Variants in SLC9A9 observed in about 807,000 individuals in gnomAD.
SLC9A9 encodes solute carrier family 9 member A9.
Under a neutral mutation model 77.8 loss-of-function variants are expected in SLC9A9, and 62 were observed. The ratio of observed to expected loss-of-function variants is 0.80; its 90% CI spans 0.65 to 0.98. The LOEUF (loss-of-function observed/expected upper bound fraction) is 0.98, where lower values mean the gene tolerates loss of function less well. Ranked by LOEUF, SLC9A9 falls within the 50% of genes least tolerant of loss-of-function variation. The pLI is 0.00. For synonymous variants in SLC9A9, 320 were observed against 283.5 expected, an observed-to-expected ratio of 1.13 and a Z score of -1.29; for missense variants, 775 against 774.9, an observed-to-expected ratio of 1.00 and a Z score of 0.00.
chr3:143,477,330 A>ATAT lies in SLC9A9; in HGVS notation c.1316-10141_1316-10140insATA, dbSNP rs772684824. Among the ~76,000 whole-genome samples the ATAT allele has an allele frequency of 4.0e-5, 4 of 100,014 alleles. No individual in the cohort carries two copies. The South Asian group carries it at 1.2e-3, about 29-fold the overall frequency. 65.6% of individuals were successfully genotyped at this position (100,014 alleles called of 152,430 possible). The stretch of plus-strand genomic sequence containing the variant: ...CAAAATCACCTGAAGGGCTTCTTCA[A>ATAT]TTTTTTTTTTTTTTTTTCCCCCTCC... On this transcript the variant is annotated intron_variant, in intron 11 of 15. Coordinates refer to ENST00000316549, the MANE Select transcript of SLC9A9 (RefSeq NM_173653.4).
intron 12 of SLC9A9, among the ~76,000 whole-genome samples, chr3:143,441,058 T>A (rs2034724009): frequency 6.6e-6 from 1 of 152,244 alleles, no homozygotes; most frequent in African/African-American, 2.4e-5. Context: ...GTTTTTTTCT[T>A]TTATCATTCT....
intron 5 of SLC9A9, among the ~76,000 whole-genome samples, chr3:143,663,607 T>C (rs930746440): frequency 1.3e-5 from 2 of 152,170 alleles, no homozygotes; most frequent in African/African-American, 4.8e-5. Context: ...ATAACCAGTG[T>C]AGAGAAGACC....
intron 12 of SLC9A9, among the ~76,000 whole-genome samples, chr3:143,436,223 G>A (rs1364112109): frequency 6.6e-6 from 1 of 152,186 alleles, no homozygotes; most frequent in Non-Finnish European, 1.5e-5. Context: ...CTCGTCTTGC[G>A]AGCACTGGGC....
intron 14 of SLC9A9, among the ~76,000 whole-genome samples, chr3:143,324,242 T>C (rs6770495): frequency 0.57 from 86,359 of 151,928 alleles, 26,344 homozygotes; most frequent in African/African-American, 0.79. Context: ...CATTGCAATG[T>C]TCCCCAGGCA....
chr3:143,728,419 G>A (rs535059857), intron 4 of SLC9A9, among the ~76,000 whole-genome samples: 4 of 152,280 alleles, frequency 2.6e-5, no homozygotes, highest in South Asian at 2.1e-4. Context: ...CAGGCCTTGA[G>A]GCTAGAAGGA....
chr3:143,777,964 T>C (rs1019113161), intron 4 of SLC9A9, among the ~76,000 whole-genome samples: 3 of 139,630 alleles, frequency 2.1e-5, no homozygotes, highest in Non-Finnish European at 3.0e-5. Flanking sequence ...CCACCCGCCT[T>C]GGCCTCCCAA....
At chr3:143,628,201 G>A (rs1342862548) in intron 6 of SLC9A9, among the ~76,000 whole-genome samples, 1 of 152,174 alleles carries the variant, frequency 6.6e-6, no homozygotes, top group Non-Finnish European at 1.5e-5. Flanking sequence ...GGGATAAAAG[G>A]AGAGAAAGGG....
intron 9 of SLC9A9, among the ~76,000 whole-genome samples, chr3:143,527,801 A>G (rs2036430121): frequency 6.6e-6 from 1 of 152,168 alleles, no homozygotes; most frequent in Admixed American, 6.5e-5. Context: ...GGCTATGAGG[A>G]CCACAGAGAA....
At chr3:143,623,527 T>G (rs1033410222) in intron 6 of SLC9A9, among the ~76,000 whole-genome samples, 1 of 152,010 alleles carries the variant, frequency 6.6e-6, no homozygotes, top group Non-Finnish European at 1.5e-5. Context: ...GGGTATGTAA[T>G]GAAATGAAGG....
At chr3:143,842,095 T>A (rs2009721181) in intron 1 of SLC9A9, among the ~76,000 whole-genome samples, 1 of 150,804 alleles carries the variant, frequency 6.6e-6, no homozygotes, top group Admixed American at 6.6e-5. Flanking sequence ...ACATACAGAG[T>A]GCAGGCCGGG....
intron 14 of SLC9A9, among the ~76,000 whole-genome samples, chr3:143,324,286 C>T (rs2031511162): frequency 6.6e-6 from 1 of 152,160 alleles, no homozygotes. Flanking sequence ...AGAAACCTCT[C>T]CCTCTCCATT....
chr3:143,811,565 G>T (rs1271553050), intron 2 of SLC9A9, among the ~76,000 whole-genome samples: 1 of 152,082 alleles, frequency 6.6e-6, no homozygotes, highest in African/African-American at 2.4e-5. Context: ...GTGTTCACTG[G>T]CCCGGCACAG....
chr3:143,283,940 CAAATTAAACCATGACTCAT>C, intron 14 of SLC9A9, among the ~76,000 whole-genome samples: 1 of 152,132 alleles, frequency 6.6e-6, no homozygotes, highest in South Asian at 2.1e-4. Flanking sequence ...CACTAGAGAG[CAAATTAAACCATGACTCAT>C]GATATGATCA....
At chr3:143,753,534 C>A (rs1321923558) in intron 4 of SLC9A9, among the ~76,000 whole-genome samples, 1 of 152,192 alleles carries the variant, frequency 6.6e-6, no homozygotes, top group Admixed American at 6.5e-5. Context: ...GCATTTTGTT[C>A]TTTCCTAGGA....
chr3:143,765,432 G>A (rs990511146), intron 4 of SLC9A9, among the ~76,000 whole-genome samples: 2 of 152,154 alleles, frequency 1.3e-5, no homozygotes, highest in Non-Finnish European at 2.9e-5. Context: ...TTCGAGTGCA[G>A]TAGGGATCTC....
intron 4 of SLC9A9, among the ~76,000 whole-genome samples, chr3:143,695,757 C>A (rs2885096): frequency 0.43 from 65,307 of 151,830 alleles, 14,204 homozygotes; most frequent in South Asian, 0.6. Flanking sequence ...GAATCGCCAC[C>A]CTGTCTTCCA....
intron 12 of SLC9A9, among the ~76,000 whole-genome samples, chr3:143,413,961 AATAGACC>A (rs1430306552): frequency 6.6e-6 from 1 of 152,260 alleles, no homozygotes; most frequent in Non-Finnish European, 1.5e-5. Context: ...TGTCACCTCA[AATAGACC>A]ATTTAAAGGC....
intron 4 of SLC9A9, among the ~76,000 whole-genome samples, chr3:143,717,379 A>G (rs546998538): frequency 6.8e-4 from 104 of 152,338 alleles, no homozygotes; most frequent in African/African-American, 2.5e-3. Context: ...TTAATTCCTC[A>G]GCTACCATAG....
At chr3:143,549,735 G>A (rs1363918544) in intron 9 of SLC9A9, among the ~76,000 whole-genome samples, 1 of 152,182 alleles carries the variant, frequency 6.6e-6, no homozygotes, top group Non-Finnish European at 1.5e-5. Flanking sequence ...CATGCCATGA[G>A]ATGCGTTATC....
Sources: gnomAD v4.1 joint callset for allele counts (sites outside exome capture counted in the v4.1 genomes callset) on GRCh38, gnomAD v4.1.1 for gene constraint, MANE v1.5 for transcripts, NCBI Gene and HGNC (gene_info 2026-07-23, HGNC 2026-07-21) for gene names.